The following ADGRL3 variants were observed in gnomAD, a reference collection of about 807,000 sequenced individuals.
The protein encoded by ADGRL3 is calcium-independent alpha-latrotoxin receptor 3.
A neutral mutation model predicts 153.5 loss-of-function variants in ADGRL3; 62 were observed. The ratio of observed to expected loss-of-function variants is 0.40; its 90% confidence interval spans 0.33 to 0.50. The LOEUF (loss-of-function observed/expected upper bound fraction) is 0.50, where lower values mean the gene tolerates loss of function less well. Among genes scored for constraint, ADGRL3 ranks in the 20% least tolerant of loss-of-function variants. The pLI, the probability that ADGRL3 is intolerant of heterozygous loss-of-function variation, is 0.47. For missense variants in ADGRL3, 1,641 were observed against 1,859.4 expected (o/e 0.88, Z 2.16); for synonymous variants, 710 against 672.5 (o/e 1.06, Z -0.86).
chr4:62,034,140 C>T (rs1041603953), intron 23 of ADGRL3, among the ~76,000 whole-genome samples: 2 of 151,566 alleles, frequency 1.3e-5, no homozygotes, highest in Non-Finnish European at 3.0e-5. Flanking sequence ...TCATCAAGTT[C>T]AATTTTGTGA....
chr4:61,893,065 C>T (rs1300335679), intron 10 of ADGRL3, 107 bp downstream of exon 10: 1 of 486,258 alleles, frequency 2.1e-6, no homozygotes, highest in Non-Finnish European at 3.3e-6. Context: ...CTCCCTTCCT[C>T]CCTCCCTCCC....
chr4:61,400,817 CAAAA>C (rs67512824), intron 2 of ADGRL3, among the ~76,000 whole-genome samples: 4 of 114,556 alleles, frequency 3.5e-5, no homozygotes, highest in Admixed American at 9.0e-5. Flanking sequence ...GCTAAAGTTA[CAAAA>C]AAAAAAAAAA....
intron 1 of ADGRL3, among the ~76,000 whole-genome samples, chr4:61,345,839 T>A (rs2095889840): frequency 6.6e-6 from 1 of 152,168 alleles, no homozygotes; most frequent in African/African-American, 2.4e-5. Flanking sequence ...ATTCCAAAAC[T>A]GGTCTAGACA....
intron 2 of ADGRL3, among the ~76,000 whole-genome samples, chr4:61,474,767 A>G (rs979991592): frequency 1.3e-5 from 2 of 152,128 alleles, no homozygotes; most frequent in African/African-American, 4.8e-5. Context: ...GCACTGAGGG[A>G]TTACCAGTTC....
At chr4:61,363,812 T>C (rs2096338245) in intron 1 of ADGRL3, among the ~76,000 whole-genome samples, 1 of 152,168 alleles carries the variant, frequency 6.6e-6, no homozygotes, top group Non-Finnish European at 1.5e-5. Flanking sequence ...GTCCCGATTT[T>C]ACAGATGAGT....
intron 5 of ADGRL3, among the ~76,000 whole-genome samples, chr4:61,615,525 A>T (rs1428703167): frequency 6.6e-6 from 1 of 152,004 alleles, no homozygotes; most frequent in Non-Finnish European, 1.5e-5. Flanking sequence ...TAGACAAAAG[A>T]ACGAAGAAGA....
At position 61,540,239 on chromosome 4, in the gene ADGRL3, C is replaced by T. The variant is rs184995701; in HGVS notation, c.259+22721C>T. On this transcript the variant is annotated intron_variant, in intron 4 of 26. Coordinates refer to ENST00000683033, the MANE Select transcript of ADGRL3 (RefSeq NM_001387552.1). ...TACCACTTTACCACATTTTAAACCC[C>T]AATACTGAGTTAAATACAGTGGAAA... 1.4e-4 allele frequency among the ~76,000 whole-genome samples: 22 copies of T among 152,200 alleles called. No individual in the cohort carries two copies. The East Asian group carries it at 4.3e-3, about 29-fold the overall frequency.
intron 8 of ADGRL3, among the ~76,000 whole-genome samples, chr4:61,765,073 G>A (rs1007369773): frequency 1.2e-4 from 18 of 152,110 alleles, no homozygotes; most frequent in African/African-American, 4.1e-4. Flanking sequence ...ATTCAGCATA[G>A]TCCTGCCAGC....
chr4:61,937,381 C>T (rs2098843746), intron 15 of ADGRL3, among the ~76,000 whole-genome samples: 1 of 151,392 alleles, frequency 6.6e-6, no homozygotes, highest in Admixed American at 6.6e-5. Flanking sequence ...CAAGCATGTT[C>T]CTGCATCAGG....
At chr4:61,988,389 A>G (rs996624793) in intron 19 of ADGRL3, among the ~76,000 whole-genome samples, 1 of 152,124 alleles carries the variant, frequency 6.6e-6, no homozygotes, top group African/African-American at 2.4e-5. Context: ...AATAATGGAC[A>G]TTTATTTTCA....
intron 8 of ADGRL3, among the ~76,000 whole-genome samples, chr4:61,751,437 TAA>T (rs2096755564): frequency 6.6e-6 from 1 of 152,164 alleles, no homozygotes; most frequent in Non-Finnish European, 1.5e-5. Flanking sequence ...CTCAGAGATA[TAA>T]AGTCTCCTGC....
At chr4:61,247,835 G>A (rs570935537) in intron 1 of ADGRL3, among the ~76,000 whole-genome samples, 5 of 151,904 alleles carry the variant, frequency 3.3e-5, no homozygotes, top group Non-Finnish European at 7.4e-5. Flanking sequence ...TTATACATCA[G>A]GAGCAATTGT....
At chr4:61,892,599 C>T (rs1421825766) in intron 9 of ADGRL3, 57 bp from the exon 10 acceptor site, 1 of 1,279,124 alleles carries the variant, frequency 7.8e-7, no homozygotes, top group Non-Finnish European at 1.1e-6. Context: ...ACTAGGACAT[C>T]TTGAGGTCCT....
At chr4:61,355,703 A>G (rs544236423) in intron 1 of ADGRL3, among the ~76,000 whole-genome samples, 6 of 152,226 alleles carry the variant, frequency 3.9e-5, no homozygotes, top group Admixed American at 2.0e-4. Context: ...ATATGTAGAT[A>G]GTGTCTAGTT....
chr4:61,288,424 G>C (rs956733524), intron 1 of ADGRL3, among the ~76,000 whole-genome samples: 1 of 151,924 alleles, frequency 6.6e-6, no homozygotes, highest in Non-Finnish European at 1.5e-5. Context: ...AGTTGCTGCT[G>C]TTTCGCTGCT....
At chr4:61,624,981 A>AT (rs535277453) in intron 5 of ADGRL3, among the ~76,000 whole-genome samples, 1 of 152,042 alleles carries the variant, frequency 6.6e-6, no homozygotes, top group African/African-American at 2.4e-5. Context: ...TTTAGGGACA[A>AT]TTTTTTTGCC....
At chr4:61,396,877 A>G (rs998506800) in intron 2 of ADGRL3, among the ~76,000 whole-genome samples, 7 of 151,746 alleles carry the variant, frequency 4.6e-5, no homozygotes, top group Admixed American at 1.3e-4. Flanking sequence ...CTGAGTGTCT[A>G]TTATGTTCCA....
chr4:61,332,817 T>G (rs938457134), intron 1 of ADGRL3, among the ~76,000 whole-genome samples: 2 of 151,994 alleles, frequency 1.3e-5, no homozygotes, highest in Non-Finnish European at 2.9e-5. Context: ...TATTCTGTCT[T>G]GAAAAAAATG....
chr4:61,310,747 TA>T lies in ADGRL3; in HGVS notation c.-239-72374del, dbSNP rs201055897. Among the ~76,000 whole-genome samples the T allele has an allele frequency of 6.2e-4, 93 of 149,762 alleles. No homozygotes were observed. In the Middle Eastern group the frequency reaches 0.014, roughly 23 times the overall value. ...TGTAAGATCAGTTTTTTTTTTTTTTTAAATTCCTTTGTTCCCTTTCCTTTCA... is the reference window on the plus strand; with the variant it reads ...TGTAAGATCAGTTTTTTTTTTTTTTTAATTCCTTTGTTCCCTTTCCTTTCA... On this transcript the variant is annotated intron_variant, in intron 1 of 26. Transcript: ENST00000683033.
Sources: allele counts gnomAD v4.1 joint callset (sites outside exome capture counted in the v4.1 genomes callset), GRCh38; gene constraint gnomAD v4.1.1; transcripts MANE v1.5; gene names NCBI Gene and HGNC (gene_info 2026-07-23, HGNC 2026-07-21).